The following PLCG2 variants were observed in gnomAD, a reference collection of about 807,000 sequenced individuals.
The protein encoded by PLCG2 is 1-phosphatidylinositol 4,5-bisphosphate phosphodiesterase gamma-2.
A neutral mutation model predicts 175.6 loss-of-function variants in PLCG2; 69 were observed. The ratio of observed to expected loss-of-function variants is 0.39; its 90% CI spans 0.32 to 0.48. PLCG2 has a LOEUF of 0.48. Ranked by LOEUF, PLCG2 falls within the 20% of genes least tolerant of loss-of-function variation. PLCG2 has a pLI of 0.91. For missense variants in PLCG2, 1,798 were observed against 1,650.9 expected, an observed-to-expected ratio of 1.09 and a Z score of -1.54; for synonymous variants, 827 against 624.0, an observed-to-expected ratio of 1.33 and a Z score of -4.85.
At chr16:81,807,272 C>T (rs1904285550) in intron 2 of PLCG2, among the ~76,000 whole-genome samples, 1 of 152,168 alleles carries the variant, frequency 6.6e-6, no homozygotes, top group Non-Finnish European at 1.5e-5. Flanking sequence ...CAAGAAAGGG[C>T]AGGGTGCCTT....
At chr16:81,806,437 C>G (rs143821278) in intron 2 of PLCG2, among the ~76,000 whole-genome samples, 1 of 151,988 alleles carries the variant, frequency 6.6e-6, no homozygotes, top group Non-Finnish European at 1.5e-5. Context: ...CATCTGATTG[C>G]TGGGCCCGAG....
chr16:81,898,299 A>G (rs1433757145), intron 13 of PLCG2: 5 of 153,094 alleles, frequency 3.3e-5, no homozygotes, highest in South Asian at 2.0e-4. Context: ...ATTGGTATTA[A>G]GAGGGATTTA....
intron 2 of PLCG2, among the ~76,000 whole-genome samples, chr16:81,803,727 G>T (rs1448772571): frequency 1.4e-5 from 2 of 145,472 alleles, no homozygotes; most frequent in African/African-American, 5.0e-5. Context: ...TGTCGGTCAG[G>T]CCGGAGGGCA....
rs143618645 is a variant in PLCG2 at position 81,785,897 on chromosome 16, C to T, written c.-47-46C>T. The stretch of plus-strand genomic sequence containing the variant: ...AAGTTCATGCCCTGTTAACTAAACC[C>T]CTTTCAGTACTAAAATCAGTTCACT... On this transcript the variant is annotated intron_variant, in intron 1 of 32. Transcript: ENST00000564138. 6 of 1,186,580 alleles carry T rather than the reference C, an allele frequency of 5.1e-6. No individual in the cohort carries two copies. In the South Asian group the frequency reaches 5.7e-5, roughly 11 times the overall value. The allele number at this position is 1,186,580 out of a possible 1,614,324, so 73.5% of individuals were successfully genotyped here. A position where few individuals can be genotyped will look rare whatever the true frequency, so the allele number is the denominator to read the frequency against.
At chr16:81,823,798 G>A (rs1316171357) in intron 2 of PLCG2, among the ~76,000 whole-genome samples, 1 of 151,502 alleles carries the variant, frequency 6.6e-6, no homozygotes, top group Non-Finnish European at 1.5e-5. Flanking sequence ...CCAAAGTGCT[G>A]GGATTCCAGG....
intron 31 of PLCG2, 86 bp from the exon 32 acceptor site, chr16:81,956,609 T>G: frequency 8.1e-7 from 1 of 1,232,524 alleles, no homozygotes; most frequent in Non-Finnish European, 1.1e-6. Flanking sequence ...ATGCTCCCTT[T>G]GGGCATGCTT....
intron 32 of PLCG2, among the ~76,000 whole-genome samples, chr16:81,957,708 A>G (rs1454212081): frequency 1.3e-5 from 2 of 152,064 alleles, no homozygotes; most frequent in African/African-American, 2.4e-5. Flanking sequence ...CCTTACTCAC[A>G]TTATTCTCAT....
At chr16:81,862,535 C>T (rs535219422) in intron 5 of PLCG2, among the ~76,000 whole-genome samples, 2 of 152,274 alleles carry the variant, frequency 1.3e-5, no homozygotes, top group African/African-American at 2.4e-5. Flanking sequence ...ACTTACTTTC[C>T]CCACTGGTGT....
intron 1 of PLCG2, among the ~76,000 whole-genome samples, chr16:81,782,975 C>T (rs6564919): frequency 5.3e-5 from 8 of 152,168 alleles, no homozygotes; most frequent in African/African-American, 1.9e-4. Flanking sequence ...ATTGGTGAGA[C>T]GCAGCATGGA....
At chr16:81,818,648 T>C (rs80292842) in intron 2 of PLCG2, among the ~76,000 whole-genome samples, 2,010 of 152,198 alleles carry the variant, frequency 0.013, 20 homozygotes, top group South Asian at 0.045. Context: ...TAGCCGGGCA[T>C]ACCTTTTCTC....
chr16:81,796,622 T>A (rs574206323), intron 2 of PLCG2, among the ~76,000 whole-genome samples: 1 of 152,298 alleles, frequency 6.6e-6, no homozygotes, highest in East Asian at 1.9e-4. Context: ...CAGATGTAAT[T>A]AGTTGAGATG....
chr16:81,854,472 C>T lies in PLCG2; in HGVS notation c.222C>T (p.Arg74=), dbSNP rs753227282. The T allele has an allele frequency of 3.7e-6, 6 of 1,613,890 alleles. No homozygotes were observed. Among genetic ancestry groups the T allele is most frequent in the African/African-American group, 2.7e-5 (2 of 74,918 alleles). ...ATATCATGGAAATAAAAGAAATCCG[C>T]CCAGGGAAGAACTCCAAAGATTTCG... ...FLDIMEIKEI[R]PGKNSKDFER... Residue 74 remains arginine, a synonymous_variant, in exon 3 of 33, where the codon CGC becomes CGT. Coordinates refer to ENST00000564138, the MANE Select transcript of PLCG2 (RefSeq NM_002661.5).
intron 2 of PLCG2, among the ~76,000 whole-genome samples, chr16:81,769,899 C>T (rs149272315): frequency 8.6e-5 from 13 of 151,744 alleles, no homozygotes; most frequent in African/African-American, 3.1e-4. Context: ...GTGTTTCACA[C>T]CTGCCGGTCG....
chr16:81,744,356 G>A (rs948837836), intron 1 of PLCG2, among the ~76,000 whole-genome samples: 1 of 151,374 alleles, frequency 6.6e-6, no homozygotes, highest in East Asian at 1.9e-4. Flanking sequence ...GTAGAGACGG[G>A]GTTTCACCAT....
Position 81,859,223 on chromosome 16 carries a change from A to T in PLCG2, c.479+60A>T, listed in dbSNP as rs1906838737. On this transcript the variant is annotated intron_variant, in intron 5 of 32. Transcript: ENST00000564138. Reference sequence around the variant, plus strand: ...GATTTCGATCCTCATTCTATCTTTAAACCTTCCAAGGGGGTGGGAGCATGA... The same window carrying T: ...GATTTCGATCCTCATTCTATCTTTATACCTTCCAAGGGGGTGGGAGCATGA... 3.5e-6 allele frequency: 4 copies of T among 1,129,826 alleles called. No individual in the cohort carries two copies. In the East Asian group the frequency reaches 7.1e-5, roughly 20 times the overall value. The allele number at this position is 1,129,826 out of a possible 1,614,324, so 70.0% of individuals were successfully genotyped here. A position where few individuals can be genotyped will look rare whatever the true frequency, so the allele number is the denominator to read the frequency against.
At position 81,938,843 on chromosome 16, in the gene PLCG2, G is replaced by A. The variant is rs1910823367; in HGVS notation, c.3241G>A (p.Ala1081Thr). The A allele has an allele frequency of 1.2e-6, 2 of 1,613,744 alleles. No individual in the cohort carries two copies. Among genetic ancestry groups the A allele is most frequent in the Non-Finnish European group, 8.5e-7 (1 of 1,179,832 alleles). ...RHLPKLGRSI[A>T]CPFVEVEICG... The stretch of plus-strand genomic sequence containing the variant: ...TCTCCCCAAACTTGGACGAAGTATT[G>A]CCTGTCCCTTTGTAGAAGTGGAGAT... The change falls in exon 29 of 33, where the codon GCC becomes ACC. Residue 1081 changes from alanine (A) to threonine (T), a missense_variant. Ala to Thr is a moderately conservative substitution (Grantham distance 58). Coordinates refer to ENST00000564138, the MANE Select transcript of PLCG2 (RefSeq NM_002661.5).
chr16:81,843,712 G>A (rs918913078), intron 2 of PLCG2, among the ~76,000 whole-genome samples: 1 of 152,148 alleles, frequency 6.6e-6, no homozygotes, highest in Non-Finnish European at 1.5e-5. Flanking sequence ...ACCTTGTACT[G>A]TAATGGAAAA....
Position 81,900,433 on chromosome 16 carries a change from A to G in PLCG2, c.1194-179A>G, listed in dbSNP as rs1470871936. ...GATCGCAGCTGTTCTGAGTCCCAAG[A>G]CTTGTGCCTTCACACCCAGGATGAG... On this transcript the variant is annotated intron_variant, in intron 13 of 32. Transcript: ENST00000564138. Among the ~76,000 whole-genome samples the G allele has an allele frequency of 2.6e-5, 4 of 152,212 alleles. No homozygotes were observed. In the East Asian group the frequency reaches 7.7e-4, roughly 29 times the overall value.
chr16:81,936,565 C>T (rs532047393), intron 27 of PLCG2, among the ~76,000 whole-genome samples, 187 bp downstream of exon 27: 2 of 152,236 alleles, frequency 1.3e-5, no homozygotes, highest in East Asian at 1.9e-4. Flanking sequence ...ATGAGAGGAC[C>T]GAAGGCTGCT....
Sources: allele counts gnomAD v4.1 joint callset (sites outside exome capture counted in the v4.1 genomes callset), GRCh38; gene constraint gnomAD v4.1.1; transcripts MANE v1.5; gene names NCBI Gene and HGNC (gene_info 2026-07-23, HGNC 2026-07-21).